The following RBFOX1 variants were observed in gnomAD, a reference collection of about 807,000 sequenced individuals.
RBFOX1 encodes RNA binding fox-1 homolog 1.
RBFOX1 carries 8 observed loss-of-function variants against 57.7 expected under a neutral mutation model. That is an observed-to-expected ratio of 0.14 (90% confidence interval 0.08 to 0.25). The LOEUF is 0.25. RBFOX1 is among the 10% of genes least tolerant of loss of function. The probability of loss-of-function intolerance (pLI) is 1.00; values close to 1 mark genes in which losing one functional copy is unlikely to be tolerated. For synonymous variants in RBFOX1, 326 were observed against 222.4 expected (o/e 1.47, Z -4.15); for missense variants, 611 against 548.5 (o/e 1.11, Z -1.14).
At chr16:5,504,310 G>T (rs2043302742) in intron 2 of RBFOX1, among the ~76,000 whole-genome samples, 1 of 152,216 alleles carries the variant, frequency 6.6e-6, no homozygotes, top group African/African-American at 2.4e-5. Flanking sequence ...TTTGAGGCAG[G>T]GCCTGCCAGG....
intron 3 of RBFOX1, among the ~76,000 whole-genome samples, chr16:6,948,623 C>A (rs890075855): frequency 6.6e-6 from 1 of 152,008 alleles, no homozygotes; most frequent in Non-Finnish European, 1.5e-5. Context: ...TTCAAATGAT[C>A]TGCTCGCCTT....
At chr16:5,709,809 T>TATATATATATATATA (rs1555506306) in intron 3 of RBFOX1, among the ~76,000 whole-genome samples, 2 of 14,460 alleles carry the variant, frequency 1.4e-4, no homozygotes, top group African/African-American at 6.3e-4. Flanking sequence ...ATCAGTTTCT[T>TATATATATATATATA]TATATATATA....
At chr16:7,140,008 C>T (rs1206235531) in intron 4 of RBFOX1, among the ~76,000 whole-genome samples, 1 of 152,044 alleles carries the variant, frequency 6.6e-6, no homozygotes, top group Non-Finnish European at 1.5e-5. Context: ...GATCCCAGGA[C>T]ACCTGGAAAA....
chr16:7,520,369 G>C (rs2077275272), intron 5 of RBFOX1, among the ~76,000 whole-genome samples: 1 of 152,054 alleles, frequency 6.6e-6, no homozygotes, highest in African/African-American at 2.4e-5. Context: ...TATCTAGTTT[G>C]AGAATGTTCC....
At chr16:6,806,097 C>A (rs191917400) in intron 3 of RBFOX1, among the ~76,000 whole-genome samples, 3 of 152,146 alleles carry the variant, frequency 2.0e-5, no homozygotes, top group Admixed American at 6.6e-5. Flanking sequence ...AAAGATGATT[C>A]ATCCAAGAAC....
intron 4 of RBFOX1, among the ~76,000 whole-genome samples, chr16:7,161,699 G>A (rs2078360674): frequency 6.6e-6 from 1 of 152,116 alleles, no homozygotes; most frequent in Non-Finnish European, 1.5e-5. Flanking sequence ...TTCTAGTGAG[G>A]GTTTCTGTCC....
At chr16:6,462,569 C>T (rs1461021359) in intron 2 of RBFOX1, among the ~76,000 whole-genome samples, 1 of 152,092 alleles carries the variant, frequency 6.6e-6, no homozygotes, top group Non-Finnish European at 1.5e-5. Flanking sequence ...ATAAGCATTG[C>T]TATAAGAAAC....
intron 1 of RBFOX1, among the ~76,000 whole-genome samples, chr16:6,049,053 CTTTTTT>C (rs534794320): frequency 1.8e-5 from 2 of 112,860 alleles, no homozygotes; most frequent in African/African-American, 6.9e-5. Context: ...CTTCTAACAG[CTTTTTT>C]TTTTTTTTTT....
In RBFOX1 at chr16:5,477,802, A is replaced by AATGAC. The variant is rs1481954913; in HGVS notation, c.258+10549_258+10553dup. ...ACCTCCTAGAAATTCGTACTTGCAA[A>AATGAC]ATGACGTGTTGTCTCACTGAAGGAA... On this transcript the variant is annotated intron_variant, in intron 2 of 2. Transcript: ENST00000585867. Among the ~76,000 whole-genome samples, 11 of 152,128 alleles carry AATGAC rather than the reference A, an allele frequency of 7.2e-5. 1 individual carries two copies. Among genetic ancestry groups the AATGAC allele is most frequent in the Admixed American group, 3.9e-4 (6 of 15,286 alleles).
chr16:6,621,954 A>T (rs1402792581), intron 2 of RBFOX1, among the ~76,000 whole-genome samples: 1 of 152,220 alleles, frequency 6.6e-6, no homozygotes, highest in Non-Finnish European at 1.5e-5. Context: ...AGAAGTCGTT[A>T]CACAAAGGTG....
intron 1 of RBFOX1, among the ~76,000 whole-genome samples, chr16:5,319,125 T>TCAAACAAA (rs112510210): frequency 0.016 from 2,396 of 151,268 alleles, 49 homozygotes; most frequent in East Asian, 0.09. Context: ...AGACTCTGTC[T>TCAAACAAA]CAAACAAACA....
intron 3 of RBFOX1, among the ~76,000 whole-genome samples, chr16:6,682,871 A>T (rs1200451685): frequency 9.7e-5 from 5 of 51,784 alleles, no homozygotes; most frequent in Non-Finnish European, 1.4e-4. Flanking sequence ...GAAAAGAATT[A>T]AAAAAAAAAA....
intron 4 of RBFOX1, among the ~76,000 whole-genome samples, chr16:7,444,278 G>C (rs987170422): frequency 6.6e-6 from 1 of 152,126 alleles, no homozygotes; most frequent in African/African-American, 2.4e-5. Context: ...CAGAAAACGT[G>C]GGTGTGGTCT....
At chr16:7,417,633 C>T (rs2098496746) in intron 4 of RBFOX1, among the ~76,000 whole-genome samples, 1 of 151,928 alleles carries the variant, frequency 6.6e-6, no homozygotes. Context: ...ATCATAGCTC[C>T]ATCACAAAGA....
chr16:5,314,953 CA>C (rs1567322231), intron 1 of RBFOX1, among the ~76,000 whole-genome samples: 1 of 151,320 alleles, frequency 6.6e-6, no homozygotes, highest in African/African-American at 2.4e-5. Context: ...AAGGAGCCCA[CA>C]AAAGTGAAAG....
chr16:5,391,539 C>T (rs920490527), intron 1 of RBFOX1, among the ~76,000 whole-genome samples: 1 of 152,120 alleles, frequency 6.6e-6, no homozygotes, highest in South Asian at 2.1e-4. Flanking sequence ...GCCTTTATTC[C>T]ATCTGTGGCT....
intron 2 of RBFOX1, among the ~76,000 whole-genome samples, chr16:6,467,653 G>A (rs2095080217): frequency 1.3e-5 from 2 of 152,136 alleles, no homozygotes; most frequent in Admixed American, 6.5e-5. Flanking sequence ...CAGCTAATGT[G>A]CATGCAGTTT....
intron 3 of RBFOX1, among the ~76,000 whole-genome samples, chr16:6,815,505 T>C (rs868436321): frequency 6.6e-6 from 1 of 152,284 alleles, no homozygotes; most frequent in Admixed American, 6.5e-5. Flanking sequence ...TGATTATATT[T>C]CTAAATTGTC....
At chr16:6,525,659 A>C (rs781540436) in intron 2 of RBFOX1, among the ~76,000 whole-genome samples, 1 of 152,076 alleles carries the variant, frequency 6.6e-6, no homozygotes, top group Non-Finnish European at 1.5e-5. Context: ...CCCCGTCTCT[A>C]CTTCCTAGAT....
Sources: gnomAD v4.1 joint callset for allele counts (sites outside exome capture counted in the v4.1 genomes callset) on GRCh38, gnomAD v4.1.1 for gene constraint, MANE v1.5 for transcripts, NCBI Gene and HGNC (gene_info 2026-07-23, HGNC 2026-07-21) for gene names.